Variants in PLEKHJ1 observed in about 807,000 individuals in gnomAD.
PLEKHJ1 encodes pleckstrin homology domain containing J1.
Under a neutral mutation model 21.7 loss-of-function variants are expected in PLEKHJ1, and 20 were observed. The ratio of observed to expected loss-of-function variants is 0.92; its 90% CI spans 0.65 to 1.34. The LOEUF (loss-of-function observed/expected upper bound fraction) is 1.34, where lower values mean the gene tolerates loss of function less well. PLEKHJ1 is among the 40% of genes most tolerant of loss of function. The probability of loss-of-function intolerance (pLI) is 0.00; values close to 1 mark genes in which losing one functional copy is unlikely to be tolerated. For synonymous variants in PLEKHJ1, 113 were observed against 80.6 expected (o/e 1.40, Z -2.15); for missense variants, 241 against 202.0 (o/e 1.19, Z -1.17).
chr19:2,235,105 G>A (rs1044455005), intron 3 of PLEKHJ1: 1 of 152,238 alleles, frequency 6.6e-6, no homozygotes, highest in African/African-American at 2.4e-5. Context: ...GGGCACAGAC[G>A]TGATGCAAGG....
chr19:2,232,348 C>T (rs189800096), downstream of PLEKHJ1: 203 of 207,920 alleles, frequency 9.8e-4, 1 homozygote, highest in Non-Finnish European at 1.2e-3. Flanking sequence ...CACCCCCCGC[C>T]GACTGCCCTC....
In PLEKHJ1 at chr19:2,236,235, T is replaced by A; in HGVS notation, c.14A>T (p.Glu5Val). Residue 5 changes from glutamate to valine, a missense_variant, in exon 1 of 6, where the codon GAG becomes GTG. By Grantham distance (121) the Glu-to-Val change is moderately radical (BLOSUM62 -2). Transcript: ENST00000326631. ...CCGGGACAGAGCCTGCAGCTCCTTC[T>A]CGTTGTACCGCATGGCTCCGCGGGG... MRYN[E>V]KELQALSRQP... is the part of the protein sequence containing the mutation. 1 of 1,441,956 alleles carries A rather than the reference T, an allele frequency of 6.9e-7. No individual in the cohort carries two copies. Among genetic ancestry groups the A allele is most frequent in the Non-Finnish European group, 9.1e-7 (1 of 1,101,874 alleles). The allele number at this position is 1,441,956 out of a possible 1,614,324, so 89.3% of individuals were successfully genotyped here. A position where few individuals can be genotyped will look rare whatever the true frequency, so the allele number is the denominator to read the frequency against.
At chr19:2,232,387 A>G (rs532557760), downstream of PLEKHJ1, 6 of 153,754 alleles carry the variant, frequency 3.9e-5, no homozygotes, top group East Asian at 6.2e-4. Flanking sequence ...CCCTCCCAAC[A>G]CAACACGCTG....
downstream of PLEKHJ1, chr19:2,231,350 G>A (rs1054437340): frequency 9.5e-6 from 2 of 210,876 alleles, no homozygotes; most frequent in African/African-American, 4.5e-5. Flanking sequence ...CCAAGGGCAG[G>A]ATGGACACAC....
In PLEKHJ1 at chr19:2,233,719, C is replaced by G; in HGVS notation, c.*121G>C. On this transcript the variant is annotated 3_prime_UTR_variant, in exon 6 of 6. Coordinates refer to ENST00000326631, the MANE Select transcript of PLEKHJ1 (RefSeq NM_018049.3). ...CCACTGCACTCTAGCCTGGGCAACA[C>G]AGTGAAACCCTGACCCAAAAACCAA... 1 of 865,996 alleles carries G rather than the reference C, an allele frequency of 1.2e-6. No homozygotes were observed. Among genetic ancestry groups the G allele is most frequent in the South Asian group, 1.6e-5 (1 of 61,750 alleles). 53.6% of individuals were successfully genotyped at this position (865,996 alleles called of 1,614,324 possible). A position where few individuals can be genotyped will look rare whatever the true frequency, so the allele number is the denominator to read the frequency against.
Position 2,233,515 on chromosome 19 carries a change from C to A in PLEKHJ1, c.*325G>T. On this transcript the variant is annotated 3_prime_UTR_variant, in exon 6 of 6. Transcript: ENST00000326631. ...GCTGGGCAGTTTCATAAAATGCAGC[C>A]CCTGCCCACACCCACCTGGCTTCAG... 2.3e-6 allele frequency: 1 copy of A among 431,504 alleles called. No homozygotes were observed. The highest frequency in any genetic ancestry group is 4.2e-6 in the Non-Finnish European group (1 of 240,264). The allele number at this position is 431,504 out of a possible 1,614,324, so 26.7% of individuals were successfully genotyped here.
intron 2 of PLEKHJ1, 26 bp from the exon 3 acceptor site, chr19:2,235,854 G>A (rs776367435): frequency 1.4e-5 from 22 of 1,572,900 alleles, no homozygotes; most frequent in Non-Finnish European, 1.8e-5. Context: ...GCGCCGGGAC[G>A]GGGCAGTGAG....
At chr19:2,231,811 C>T (rs375677700), downstream of PLEKHJ1, 15 of 217,888 alleles carry the variant, frequency 6.9e-5, no homozygotes, top group Non-Finnish European at 1.3e-4. Context: ...AGTGGCAGTC[C>T]GGGTGCCATC....
rs886492806 is a variant in PLEKHJ1 at position 2,233,636 on chromosome 19, A to G, written c.*204T>C. On this transcript the variant is annotated 3_prime_UTR_variant, in exon 6 of 6. Transcript: ENST00000326631. Reference sequence around the variant, plus strand: ...TGCCTGTGATCCCCGCTACTTGGGAAGCTGAGGCAGGAGGATCACTTGAGT... The same window carrying G: ...TGCCTGTGATCCCCGCTACTTGGGAGGCTGAGGCAGGAGGATCACTTGAGT... 2 of 573,412 alleles carry G rather than the reference A, an allele frequency of 3.5e-6. No individual in the cohort carries two copies. The highest frequency in any genetic ancestry group is 6.2e-6 in the Non-Finnish European group (2 of 324,648). The allele number at this position is 573,412 out of a possible 1,614,324, so 35.5% of individuals were successfully genotyped here.
chr19:2,231,173 G>A (rs1215356202), downstream of PLEKHJ1: 9 of 227,554 alleles, frequency 4.0e-5, no homozygotes, highest in East Asian at 2.5e-4. Flanking sequence ...CTCCCTGGAG[G>A]ATGGGATCTG....
At chr19:2,234,345 C>A in intron 3 of PLEKHJ1, 105 bp from the exon 4 acceptor site, 1 of 789,070 alleles carries the variant, frequency 1.3e-6, no homozygotes, top group Non-Finnish European at 2.1e-6. Flanking sequence ...AAGATGTGTT[C>A]ATGTCCTGAC....
At chr19:2,230,624 A>G, downstream of PLEKHJ1, 1 of 398,610 alleles carries the variant, frequency 2.5e-6, no homozygotes, top group Non-Finnish European at 4.4e-6. Context: ...TGTACAGGAG[A>G]GAGTCACACT....
intron 5 of PLEKHJ1, 24 bp from the exon 6 acceptor site, chr19:2,233,929 G>A: frequency 1.2e-6 from 2 of 1,612,604 alleles, no homozygotes; most frequent in South Asian, 2.2e-5. Flanking sequence ...GGGTGGCCAT[G>A]AGCCAGGGCT....
intron 3 of PLEKHJ1, 198 bp from the exon 4 acceptor site, chr19:2,234,438 C>T (rs906261236): frequency 3.7e-5 from 21 of 560,468 alleles, no homozygotes; most frequent in African/African-American, 2.8e-4. Flanking sequence ...TCGCCAGGTG[C>T]GGTGGCTCAT....
chr19:2,235,742 G>T lies in PLEKHJ1; in HGVS notation c.229+20C>A, dbSNP rs777355495. 39 of 1,543,230 alleles carry T rather than the reference G, an allele frequency of 2.5e-5. No homozygotes were observed. The highest frequency in any genetic ancestry group is 3.3e-5 in the Non-Finnish European group (38 of 1,143,240). On this transcript the variant is annotated intron_variant, in intron 3 of 5. Transcript: ENST00000326631. ...CCCCGGGCTGCGGGAAGCGCCGCTG[G>T]CTTCCCTAGCCCCACTCACTGATGG...
intron 3 of PLEKHJ1, chr19:2,235,438 A>G: frequency 2.5e-6 from 1 of 396,372 alleles, no homozygotes; most frequent in Non-Finnish European, 4.6e-6. Context: ...ACAATGCTAG[A>G]CCCATGCTAC....
Position 2,236,198 on chromosome 19 carries a change from C to T in PLEKHJ1, c.51G>A (p.Glu17=). ...ELQALSRQPA[E]MAAELGMRGP... is the part of the protein sequence containing the mutation. ...CCCTCATGCCCAGCTCGGCCGCCAT[C>T]TCGGCCGGCTGCCGGGACAGAGCCT... Residue 17 remains glutamate, a synonymous_variant, in exon 1 of 6, where the codon GAG becomes GAA. Coordinates refer to ENST00000326631, the MANE Select transcript of PLEKHJ1 (RefSeq NM_018049.3). The T allele has an allele frequency of 6.8e-7, 1 of 1,478,326 alleles. No homozygotes were observed. Among genetic ancestry groups the T allele is most frequent in the Non-Finnish European group, 8.9e-7 (1 of 1,117,698 alleles). 91.6% of individuals were successfully genotyped at this position (1,478,326 alleles called of 1,614,324 possible).
rs757294860 is a variant in PLEKHJ1, at chr19:2,234,084, G to C, written c.321-23C>G. 4 of 1,613,244 alleles carry C rather than the reference G, an allele frequency of 2.5e-6. No homozygotes were observed. In the African/African-American group the frequency reaches 5.3e-5, roughly 22 times the overall value. On this transcript the variant is annotated intron_variant, in intron 4 of 5. Transcript: ENST00000326631. ...TAGCTGGGGAAAAGGGTGGCACGGG[G>C]TCAAATGCCCGCTCTGCATGGCTGC...
chr19:2,236,087 C>T, intron 1 of PLEKHJ1, 68 bp downstream of exon 1: 1 of 1,411,764 alleles, frequency 7.1e-7, no homozygotes, highest in South Asian at 1.5e-5. Flanking sequence ...GCCTCCGGCA[C>T]CCCCGCCCAG....
Sources: gnomAD v4.1 joint callset for allele counts on GRCh38, gnomAD v4.1.1 for gene constraint, MANE v1.5 for transcripts, NCBI Gene and HGNC (gene_info 2026-07-23, HGNC 2026-07-21) for gene names.